The following MINPP1 variants were observed in gnomAD, a reference collection of about 807,000 sequenced individuals.
MINPP1 encodes the protein multiple inositol-polyphosphate phosphatase 1.
In MINPP1, 28 loss-of-function variants were observed where a neutral mutation model predicts 46.1. The observed-to-expected ratio is 0.61, with a 90% CI of 0.45 to 0.83. The LOEUF is 0.83. Ranked by LOEUF, MINPP1 falls within the 40% of genes least tolerant of loss-of-function variation. The probability of loss-of-function intolerance (pLI) is 0.00; values close to 1 mark genes in which losing one functional copy is unlikely to be tolerated. For synonymous variants in MINPP1, 268 were observed against 249.1 expected, an observed-to-expected ratio of 1.08 and a Z score of -0.72; for missense variants, 603 against 610.0, an observed-to-expected ratio of 0.99 and a Z score of 0.12.
chr10:87,532,446 G>A (rs1342368547), intron 4 of MINPP1, among the ~76,000 whole-genome samples: 1 of 152,220 alleles, frequency 6.6e-6, no homozygotes, highest in Non-Finnish European at 1.5e-5. Flanking sequence ...AGTTGAAAGA[G>A]AGAGTTTGAC....
chr10:87,525,040 G>C (rs1564676623), intron 4 of MINPP1, among the ~76,000 whole-genome samples: 1 of 152,076 alleles, frequency 6.6e-6, no homozygotes, highest in Non-Finnish European at 1.5e-5. Context: ...TTACACAGAT[G>C]GCCTTGCTTA....
At chr10:87,533,156 T>C (rs1851683549) in intron 4 of MINPP1, among the ~76,000 whole-genome samples, 1 of 152,156 alleles carries the variant, frequency 6.6e-6, no homozygotes, top group African/African-American at 2.4e-5. Context: ...TGTTAGTATG[T>C]ATACAGATTG....
chr10:87,552,211 G>C lies in MINPP1; in HGVS notation c.1197G>C (p.Met399Ile), dbSNP rs1398007442. 1.9e-6 allele frequency: 3 copies of C among 1,613,704 alleles called. No individual in the cohort carries two copies. The African/African-American group carries it at 4.0e-5, about 22-fold the overall frequency. Residue 399 changes from methionine to isoleucine, a missense_variant, in exon 5 of 5, where the codon ATG (methionine) becomes ATC (isoleucine). Physicochemically the swap from Met to Ile is conservative, Grantham distance 10 (BLOSUM62 1). Coordinates refer to ENST00000371996, the MANE Select transcript of MINPP1 (RefSeq NM_004897.5). The part of the protein sequence containing the change: ...PLTAYNYKKQ[M>I]HRKFRSGLIV... The stretch of plus-strand genomic sequence containing the variant: ...CAGCGTACAATTACAAAAAACAAAT[G>C]CATCGGAAGTTCCGAAGTGGTCTCA...
intron 4 of MINPP1, among the ~76,000 whole-genome samples, chr10:87,532,861 G>A (rs1233743476): frequency 2.0e-5 from 3 of 152,180 alleles, no homozygotes; most frequent in Admixed American, 1.3e-4. Flanking sequence ...AGTACAGAGA[G>A]TTCCTACTTA....
intron 3 of MINPP1, among the ~76,000 whole-genome samples, chr10:87,517,548 AAAG>A (rs1486005911): frequency 1.3e-5 from 2 of 152,196 alleles, no homozygotes; most frequent in African/African-American, 4.8e-5. Flanking sequence ...AAAAATGAAA[AAAG>A]ATTTATGAGG....
chr10:87,505,345 G>T lies in MINPP1; in HGVS notation c.430G>T (p.Gly144Trp), dbSNP rs1589366085. The T allele has an allele frequency of 1.2e-6, 2 of 1,613,910 alleles. No homozygotes were observed. The highest frequency in any genetic ancestry group is 1.7e-6 in the Non-Finnish European group (2 of 1,179,842). ...TTTGTGGTACGCGGACTGGATGGAC[G>T]GGCAGCTAGTAGAGAAGGGACGGCA... is the stretch of plus-strand genomic sequence containing the variant. ...WPLWYADWMD[G>W]QLVEKGRQDM... Residue 144 changes from glycine to tryptophan, a missense_variant, in exon 1 of 5, where the codon GGG becomes TGG. Physicochemically the swap from Gly to Trp is radical, Grantham distance 184 (BLOSUM62 -2). Around this residue, in one of 3 missense-constraint regions of MINPP1, gnomAD observed 20 missense variants for 39.5 expected, o/e 0.51. Transcript: ENST00000371996. This position sits in a 1 kb window ranked among gnomAD's most constrained non-coding sequence, Gnocchi z 4.4.
chr10:87,540,393 G>C (rs757639637), intron 4 of MINPP1, among the ~76,000 whole-genome samples: 2 of 152,014 alleles, frequency 1.3e-5, no homozygotes, highest in African/African-American at 2.4e-5. Flanking sequence ...CACATTTGTT[G>C]TGTTTTTTGC....
intron 4 of MINPP1, among the ~76,000 whole-genome samples, chr10:87,529,969 G>C (rs1351040524): frequency 6.6e-6 from 1 of 152,164 alleles, no homozygotes; most frequent in Middle Eastern, 3.4e-3. Flanking sequence ...TTCAATCACT[G>C]ATACCCTTTC....
chr10:87,536,376 G>C (rs74150502), intron 4 of MINPP1, among the ~76,000 whole-genome samples: 4,233 of 152,166 alleles, frequency 0.028, 188 homozygotes, highest in African/African-American at 0.091. Context: ...CAGCATATCA[G>C]CTCTTAGTAA....
intron 4 of MINPP1, among the ~76,000 whole-genome samples, chr10:87,527,923 G>A (rs1052484976): frequency 2.6e-5 from 4 of 152,008 alleles, no homozygotes; most frequent in East Asian, 1.9e-4. Flanking sequence ...CCTTCTTCCT[G>A]GTTTAGTCTT....
At chr10:87,532,487 G>A (rs757352822) in intron 4 of MINPP1, among the ~76,000 whole-genome samples, 14 of 152,222 alleles carry the variant, frequency 9.2e-5, no homozygotes, top group African/African-American at 1.4e-4. Context: ...TTTGGCCACC[G>A]CCTCTTGTTC....
At chr10:87,530,511 G>T (rs1851643231) in intron 4 of MINPP1, among the ~76,000 whole-genome samples, 1 of 152,148 alleles carries the variant, frequency 6.6e-6, no homozygotes, top group Non-Finnish European at 1.5e-5. Context: ...ATCACCAGCG[G>T]AGGCTGCAGA....
At chr10:87,531,891 A>G (rs545203263) in intron 4 of MINPP1, among the ~76,000 whole-genome samples, 125 of 152,338 alleles carry the variant, frequency 8.2e-4, no homozygotes, top group African/African-American at 2.6e-3. Flanking sequence ...TTGAAATCCA[A>G]AAGATTTATG....
At chr10:87,541,590 TAAAG>T (rs913649901) in intron 4 of MINPP1, among the ~76,000 whole-genome samples, 7 of 152,190 alleles carry the variant, frequency 4.6e-5, no homozygotes, top group African/African-American at 1.7e-4. Flanking sequence ...TGCATTGCTA[TAAAG>T]AAATACCTGA....
At chr10:87,530,960 C>G (rs1851651112) in intron 4 of MINPP1, among the ~76,000 whole-genome samples, 1 of 152,190 alleles carries the variant, frequency 6.6e-6, no homozygotes, top group Admixed American at 6.5e-5. Context: ...GGCTGCTGTG[C>G]TAGCAGTGAG....
rs771325586 is a variant in MINPP1, at chr10:87,505,121, G to T, written c.206G>T (p.Arg69Leu). The T allele has an allele frequency of 6.2e-7, 1 of 1,612,574 alleles. No individual in the cohort carries two copies. Among genetic ancestry groups the T allele is most frequent in the Non-Finnish European group, 8.5e-7 (1 of 1,179,606 alleles). Residue 69 changes from arginine (R) to leucine (L), a missense_variant, in exon 1 of 5, where the codon CGG becomes CTG. Physicochemically the swap from Arg to Leu is moderately radical, Grantham distance 102. Coordinates refer to ENST00000371996, the MANE Select transcript of MINPP1 (RefSeq NM_004897.5). The surrounding 1 kb of genome is among the most constrained non-coding windows in gnomAD (Gnocchi z 4.4). ...TTGTCGGGCCCCGAGGCTCCGTGGC[G>T]GGACCCTGAGCTGCTGGAGGGGACC... ...VLLSGPEAPW[R>L]DPELLEGTCT...
chr10:87,508,273 T>C, intron 1 of MINPP1, 63 bp from the exon 2 acceptor site: 1 of 1,589,678 alleles, frequency 6.3e-7, no homozygotes, highest in Non-Finnish European at 8.6e-7. Flanking sequence ...ACATTTTCAA[T>C]AATTTGAAAC....
intron 3 of MINPP1, among the ~76,000 whole-genome samples, chr10:87,515,664 A>T (rs2131808645): frequency 6.6e-6 from 1 of 152,244 alleles, no homozygotes; most frequent in East Asian, 1.9e-4. Context: ...ATAAAATGAT[A>T]CCTGGGATTT....
rs187709133 is a variant in MINPP1 at position 87,536,466 on chromosome 10, C to T, written c.1067+15297C>T. On this transcript the variant is annotated intron_variant, in intron 4 of 4. Transcript: ENST00000371996. ...ACATATTTAAAGTGTACAATTTGGT[C>T]AGTTTTTACATATATATATACGCCC... Among the ~76,000 whole-genome samples, 468 of 151,518 alleles carry T rather than the reference C, an allele frequency of 3.1e-3. 1 individual carries two copies. The highest frequency in any genetic ancestry group is 0.011 in the African/African-American group (440 of 40,882).
Sources: gnomAD v4.1 joint callset for allele counts (sites outside exome capture counted in the v4.1 genomes callset) on GRCh38, gnomAD v4.1.1 for gene constraint, gnomAD v4.1.1 regional missense constraint, Gnocchi (gnomAD v3.1) non-coding constraint, MANE v1.5 for transcripts, NCBI Gene and HGNC (gene_info 2026-07-23, HGNC 2026-07-21) for gene names.